ALPK2: variants seen among roughly 807,000 people sequenced by gnomAD.
ALPK2 encodes the protein alpha kinase 2, also known as alpha-protein kinase 2.
In ALPK2, 127 loss-of-function variants were observed where a neutral mutation model predicts 163.1. The ratio of observed to expected loss-of-function variants is 0.78; its 90% CI spans 0.67 to 0.90. The LOEUF is 0.90. ALPK2 is among the 40% of genes least tolerant of loss of function. The pLI is 0.00. For synonymous variants in ALPK2, 953 were observed against 959.1 expected (o/e 0.99, Z 0.12); for missense variants, 2,360 against 2,589.6 (o/e 0.91, Z 1.92).
chr18:58,573,277 T>C (rs2144190321), intron 4 of ALPK2, among the ~76,000 whole-genome samples: 1 of 147,876 alleles, frequency 6.8e-6, no homozygotes, highest in South Asian at 2.1e-4. Context: ...TATATATGTA[T>C]ATATGTGTAT....
At chr18:58,594,805 G>C (rs78398431) in intron 3 of ALPK2, among the ~76,000 whole-genome samples, 61 of 152,300 alleles carry the variant, frequency 4.0e-4, no homozygotes, top group African/African-American at 1.4e-3. Flanking sequence ...GACACACTCA[G>C]AACCTGGCCG....
At chr18:58,608,111 T>C (rs982344008) in intron 2 of ALPK2, among the ~76,000 whole-genome samples, 1 of 152,236 alleles carries the variant, frequency 6.6e-6, no homozygotes, top group Non-Finnish European at 1.5e-5. Flanking sequence ...GTGTATTTCA[T>C]ATTTGCATGG....
chr18:58,600,815 A>G (rs569435662), intron 3 of ALPK2: 1 of 152,390 alleles, frequency 6.6e-6, no homozygotes, highest in Non-Finnish European at 1.5e-5. Context: ...CTGAAATTTC[A>G]GTGTCTGTTT....
intron 3 of ALPK2, among the ~76,000 whole-genome samples, chr18:58,605,569 A>G (rs2052093853): frequency 6.6e-6 from 1 of 152,218 alleles, no homozygotes; most frequent in Admixed American, 6.5e-5. Context: ...TGAGCAATGA[A>G]TAACCACCAA....
intron 12 of ALPK2, among the ~76,000 whole-genome samples, chr18:58,493,490 T>C (rs1305256641): frequency 2.6e-5 from 4 of 152,132 alleles, no homozygotes; most frequent in Non-Finnish European, 4.4e-5. Flanking sequence ...GCATCCCAGG[T>C]GGCTGCCGTC....
intron 3 of ALPK2, among the ~76,000 whole-genome samples, chr18:58,604,314 T>G (rs1231879030): frequency 6.6e-6 from 1 of 152,212 alleles, no homozygotes; most frequent in Non-Finnish European, 1.5e-5. Flanking sequence ...AACTAACAGC[T>G]AACTTTTAAT....
At chr18:58,615,215 C>T (rs1409859762) in intron 1 of ALPK2, among the ~76,000 whole-genome samples, 1 of 152,118 alleles carries the variant, frequency 6.6e-6, no homozygotes, top group Non-Finnish European at 1.5e-5. Flanking sequence ...CTTTTTGTGG[C>T]CAATCAGCAA....
Position 58,579,656 on chromosome 18 carries a change from A to G in ALPK2, c.1120T>C (p.Cys374Arg). ...CCCATTCCACTGAGGAAATGCTCAC[A>G]CCCACCCAGGCAATGCTCACCGAAT... ...MEFGEHCLGG[C>R]EHFLSGMGCG... The change falls in exon 4 of 13, where the codon TGT (cysteine) becomes CGT (arginine). Residue 374 changes from cysteine (C) to arginine (R), a missense_variant. Cys to Arg is a radical substitution (Grantham distance 180). Transcript: ENST00000361673. The G allele has an allele frequency of 6.2e-7, 1 of 1,613,980 alleles. No individual in the cohort carries two copies. The highest frequency in any genetic ancestry group is 8.5e-7 in the Non-Finnish European group (1 of 1,179,978).
At chr18:58,506,062 C>T (rs1018333148) in intron 10 of ALPK2, among the ~76,000 whole-genome samples, 13 of 152,250 alleles carry the variant, frequency 8.5e-5, no homozygotes, top group African/African-American at 2.9e-4. Context: ...GTTCAGATGC[C>T]GATGGCTTCC....
chr18:58,547,912 T>C (rs531751693), intron 4 of ALPK2, among the ~76,000 whole-genome samples: 97 of 152,348 alleles, frequency 6.4e-4, no homozygotes, highest in African/African-American at 2.3e-3. Context: ...AAATTAATTC[T>C]TAGTCAGGTT....
At position 58,536,277 on chromosome 18, in the gene ALPK2, C is replaced by T; in HGVS notation, c.3910G>A (p.Glu1304Lys). Residue 1304 changes from glutamate (E) to lysine (K), a missense_variant, in exon 5 of 13, where the codon GAG (glutamate) becomes AAG (lysine). By Grantham distance (56) the Glu-to-Lys change is moderately conservative (BLOSUM62 1). Coordinates refer to ENST00000361673, the MANE Select transcript of ALPK2 (RefSeq NM_052947.4). ...AALAHSPEDA[E>K]SALADSRESH... ...TCTCTGCTATCAGCAAGGGCTGACTCAGCATCCTCTGGACTGTGAGCCAAT... is the reference window on the plus strand; with the variant it reads ...TCTCTGCTATCAGCAAGGGCTGACTTAGCATCCTCTGGACTGTGAGCCAAT... 1 of 1,614,230 alleles carries T rather than the reference C, an allele frequency of 6.2e-7. No homozygotes were observed. Among genetic ancestry groups the T allele is most frequent in the South Asian group, 1.1e-5 (1 of 91,080 alleles).
intron 3 of ALPK2, 154 bp from the exon 4 acceptor site, chr18:58,580,702 A>G: frequency 1.3e-6 from 1 of 743,606 alleles, no homozygotes; most frequent in Non-Finnish European, 2.2e-6. Context: ...GCCAAAGGCA[A>G]CTGACCTCTG....
At chr18:58,599,775 TC>T (rs2052059434) in intron 3 of ALPK2, among the ~76,000 whole-genome samples, 1 of 152,174 alleles carries the variant, frequency 6.6e-6, no homozygotes, top group Non-Finnish European at 1.5e-5. Flanking sequence ...GTTGATTTAA[TC>T]CCCACAACAA....
rs1166291584 is a variant in ALPK2 at position 58,600,027 on chromosome 18, CTTTTTTTTTT to C, written c.227+7285_227+7294del. Among the ~76,000 whole-genome samples the C allele has an allele frequency of 6.0e-5, 4 of 66,848 alleles. No individual in the cohort carries two copies. The Admixed American group carries it at 6.6e-4, about 11-fold the overall frequency. 43.9% of individuals were successfully genotyped at this position (66,848 alleles called of 152,430 possible). A position where few individuals can be genotyped will look rare whatever the true frequency, so the allele number is the denominator to read the frequency against. Reference sequence around the variant, plus strand: ...GTGTTTCTTCCAGCAATGGGGATATCTTTTTTTTTTTTTTTTTTTTTTTTTTTGAGACAGA... The same window carrying C: ...GTGTTTCTTCCAGCAATGGGGATATCTTTTTTTTTTTTTTTTTGAGACAGA... On this transcript the variant is annotated intron_variant, in intron 3 of 12. Transcript: ENST00000361673.
At chr18:58,620,312 C>T (rs779940189) in intron 1 of ALPK2, among the ~76,000 whole-genome samples, 1 of 152,052 alleles carries the variant, frequency 6.6e-6, no homozygotes, top group Non-Finnish European at 1.5e-5. Flanking sequence ...ACAAACAAAA[C>T]AAAACTATGG....
chr18:58,530,889 T>G lies in ALPK2; in HGVS notation c.5354-1651A>C, dbSNP rs143377679. ...GGTGAATAAAAAGTTTCTGTTGTAC[T>G]AAGCTTTGGACATCAAAAACGATTA... On this transcript the variant is annotated intron_variant, in intron 5 of 12. Coordinates refer to ENST00000361673, the MANE Select transcript of ALPK2 (RefSeq NM_052947.4). Among the ~76,000 whole-genome samples the G allele has an allele frequency of 1.9e-3, 283 of 152,314 alleles. 2 individuals are homozygous for G. The highest frequency in any genetic ancestry group is 6.4e-3 in the African/African-American group (268 of 41,566).
intron 2 of ALPK2, among the ~76,000 whole-genome samples, chr18:58,611,092 C>CAAA (rs531501598): frequency 2.7e-4 from 33 of 121,516 alleles, no homozygotes; most frequent in African/African-American, 9.7e-4. Context: ...GACTCTGTCT[C>CAAA]AAAAAAAAAA....
intron 11 of ALPK2, 54 bp from the exon 12 acceptor site, chr18:58,498,151 A>G: frequency 6.4e-7 from 1 of 1,569,940 alleles, no homozygotes; most frequent in Non-Finnish European, 8.8e-7. Flanking sequence ...GCCCCTCAGG[A>G]AGTTGGGCCA....
intron 3 of ALPK2, among the ~76,000 whole-genome samples, chr18:58,597,425 A>G (rs2052046529): frequency 6.6e-6 from 1 of 152,202 alleles, no homozygotes; most frequent in Admixed American, 6.5e-5. Flanking sequence ...GTATTATCTC[A>G]TTTAATCTTC....
Sources: allele counts gnomAD v4.1 joint callset (sites outside exome capture counted in the v4.1 genomes callset), GRCh38; gene constraint gnomAD v4.1.1; transcripts MANE v1.5; gene names NCBI Gene and HGNC (gene_info 2026-07-23, HGNC 2026-07-21).